The following CDK14 variants were observed in gnomAD, a reference collection of about 807,000 sequenced individuals.
The protein encoded by CDK14 is cyclin-dependent kinase 14.
Under a neutral mutation model 60.7 loss-of-function variants are expected in CDK14, and 34 were observed. The ratio of observed to expected loss-of-function variants is 0.56; its 90% confidence interval spans 0.43 to 0.75. The LOEUF is 0.75. CDK14 is among the 30% of genes least tolerant of loss of function. The probability of loss-of-function intolerance (pLI) is 0.00; values close to 1 mark genes in which losing one functional copy is unlikely to be tolerated. For missense variants in CDK14, 482 were observed against 564.1 expected, an observed-to-expected ratio of 0.85 and a Z score of 1.47; for synonymous variants, 197 against 203.7, an observed-to-expected ratio of 0.97 and a Z score of 0.28.
At chr7:90,995,364 C>T (rs970860153) in intron 10 of CDK14, among the ~76,000 whole-genome samples, 7 of 152,118 alleles carry the variant, frequency 4.6e-5, no homozygotes, top group African/African-American at 1.7e-4. Context: ...CAGAGGAGAC[C>T]ACAGCCATGG....
At chr7:90,800,370 T>C (rs1788594997) in intron 5 of CDK14, among the ~76,000 whole-genome samples, 1 of 152,178 alleles carries the variant, frequency 6.6e-6, no homozygotes, top group African/African-American at 2.4e-5. Context: ...GTAAAATTTG[T>C]ACTGTATAAT....
intron 4 of CDK14, among the ~76,000 whole-genome samples, chr7:90,772,593 C>T (rs2116897077): frequency 6.6e-6 from 1 of 152,266 alleles, no homozygotes; most frequent in South Asian, 2.1e-4. Context: ...TTTGCTCTCT[C>T]TTCCTCTTGC....
chr7:91,003,350 C>A (rs1176425108), intron 10 of CDK14, among the ~76,000 whole-genome samples: 1 of 152,166 alleles, frequency 6.6e-6, no homozygotes, highest in East Asian at 1.9e-4. Flanking sequence ...CTCCATATCA[C>A]CTCCATTTTG....
chr7:90,811,003 G>T (rs1476973028), intron 5 of CDK14, among the ~76,000 whole-genome samples: 1 of 152,224 alleles, frequency 6.6e-6, no homozygotes, highest in African/African-American at 2.4e-5. Context: ...CCTGCTCATG[G>T]ATAGGAAGAA....
chr7:90,657,619 G>A (rs1563033515), intron 2 of CDK14, among the ~76,000 whole-genome samples: 2 of 152,144 alleles, frequency 1.3e-5, no homozygotes, highest in Non-Finnish European at 2.9e-5. Flanking sequence ...ATGGGTCTGA[G>A]GGACTGAATT....
chr7:91,032,238 T>A (rs1796783051), intron 10 of CDK14, among the ~76,000 whole-genome samples: 1 of 152,192 alleles, frequency 6.6e-6, no homozygotes, highest in African/African-American at 2.4e-5. Flanking sequence ...AAGTTGTTAT[T>A]CCTGTAACTA....
At chr7:90,936,555 G>T (rs1051113644) in intron 8 of CDK14, among the ~76,000 whole-genome samples, 3 of 152,088 alleles carry the variant, frequency 2.0e-5, no homozygotes, top group Non-Finnish European at 4.4e-5. Flanking sequence ...GTGGTTATGA[G>T]ATTCTGTTAG....
chr7:90,665,095 C>T (rs1446719906), intron 2 of CDK14, among the ~76,000 whole-genome samples: 1 of 151,904 alleles, frequency 6.6e-6, no homozygotes, highest in African/African-American at 2.4e-5. Context: ...GCCTGGCCAA[C>T]ATGGTGAAAT....
chr7:90,998,349 G>A (rs955511874), intron 10 of CDK14, among the ~76,000 whole-genome samples: 2 of 152,264 alleles, frequency 1.3e-5, no homozygotes, highest in Non-Finnish European at 2.9e-5. Flanking sequence ...AAAAAAGGAT[G>A]TTGTGGATGA....
intron 14 of CDK14, among the ~76,000 whole-genome samples, chr7:91,125,189 G>A (rs999840847): frequency 2.4e-4 from 36 of 152,226 alleles, no homozygotes; most frequent in African/African-American, 7.0e-4. Flanking sequence ...CTCCTTCTGC[G>A]ATATTCTTCA....
intron 4 of CDK14, among the ~76,000 whole-genome samples, chr7:90,759,021 A>G (rs1250480120): frequency 2.0e-5 from 3 of 149,758 alleles, no homozygotes; most frequent in Non-Finnish European, 4.4e-5. Context: ...GCACTATTGC[A>G]CTCCAGCCTG....
At chr7:90,826,892 A>G (rs1158591724) in intron 5 of CDK14, among the ~76,000 whole-genome samples, 1 of 152,180 alleles carries the variant, frequency 6.6e-6, no homozygotes, top group East Asian at 1.9e-4. Context: ...CATTAATATT[A>G]TCTAAAGTGC....
At chr7:90,735,675 C>A (rs1387057367) in intron 3 of CDK14, among the ~76,000 whole-genome samples, 1 of 152,214 alleles carries the variant, frequency 6.6e-6, no homozygotes, top group Non-Finnish European at 1.5e-5. Flanking sequence ...TCTCCCACCC[C>A]CACCTAGCTT....
chr7:91,027,784 C>CT (rs1796622313), intron 10 of CDK14, among the ~76,000 whole-genome samples: 4 of 6,962 alleles, frequency 5.7e-4, no homozygotes, highest in African/African-American at 7.9e-4. Flanking sequence ...CCCCTCCCCT[C>CT]CCCTCCCCTC....
At chr7:90,678,012 C>A (rs901059481) in intron 2 of CDK14, among the ~76,000 whole-genome samples, 2 of 152,118 alleles carry the variant, frequency 1.3e-5, no homozygotes, top group African/African-American at 2.4e-5. Context: ...AGAGAGACTG[C>A]GACTCAGCGA....
At chr7:90,977,178 C>A (rs1048713226) in intron 9 of CDK14, among the ~76,000 whole-genome samples, 1 of 152,102 alleles carries the variant, frequency 6.6e-6, no homozygotes, top group African/African-American at 2.4e-5. Context: ...AGCAGCATTT[C>A]TTGAAGAGCT....
chr7:91,189,735 C>G (rs117916239), intron 14 of CDK14, among the ~76,000 whole-genome samples: 2,566 of 152,206 alleles, frequency 0.017, 39 homozygotes, highest in Non-Finnish European at 0.03. Context: ...CATGAATTTT[C>G]TTGTATGGCT....
chr7:90,883,264 T>C (rs367896376), intron 6 of CDK14, among the ~76,000 whole-genome samples: 43 of 152,178 alleles, frequency 2.8e-4, no homozygotes, highest in African/African-American at 1.0e-3. Flanking sequence ...TTAAAGGGGA[T>C]ATCACCACTG....
intron 4 of CDK14, among the ~76,000 whole-genome samples, chr7:90,754,887 C>T (rs1803993363): frequency 6.6e-6 from 1 of 152,114 alleles, no homozygotes; most frequent in Non-Finnish European, 1.5e-5. Context: ...CACTAATCAT[C>T]AGAAAAATAC....
Sources: gnomAD v4.1 joint callset for allele counts (sites outside exome capture counted in the v4.1 genomes callset) on GRCh38, gnomAD v4.1.1 for gene constraint, MANE v1.5 for transcripts, NCBI Gene and HGNC (gene_info 2026-07-23, HGNC 2026-07-21) for gene names.